Variants in WDR72 observed in about 807,000 individuals in gnomAD.
WDR72 encodes the protein WD repeat domain 72.
Under a neutral mutation model 124.2 loss-of-function variants are expected in WDR72, and 120 were observed. The ratio of observed to expected loss-of-function variants is 0.97; its 90% CI spans 0.83 to 1.12. The LOEUF (loss-of-function observed/expected upper bound fraction) is 1.12. Ranked by LOEUF, WDR72 falls within the 50% of genes most tolerant of loss-of-function variation. WDR72 has a pLI of 0.00. For synonymous variants in WDR72, 452 were observed against 441.7 expected (o/e 1.02, Z -0.29); for missense variants, 1,387 against 1,278.8 (o/e 1.08, Z -1.29).
chr15:53,676,444 G>T (rs969734806), intron 13 of WDR72, among the ~76,000 whole-genome samples: 1 of 152,186 alleles, frequency 6.6e-6, no homozygotes, highest in Non-Finnish European at 1.5e-5. Context: ...TCAAACAAGA[G>T]GAAGTCGAGA....
Position 53,738,639 on chromosome 15 carries a change from C to T in WDR72, c.-12-5478G>A, listed in dbSNP as rs572571270. On this transcript the variant is annotated intron_variant, in intron 1 of 19. Coordinates refer to ENST00000360509, the MANE Select transcript of WDR72 (RefSeq NM_182758.4). ...GAGATGGAGTCTCGTTCTTGTCGCC[C>T]ATGCTGAAGTGCAATGGCGTGATCT... Among the ~76,000 whole-genome samples the T allele has an allele frequency of 1.4e-4, 22 of 152,256 alleles. No individual in the cohort carries two copies. In the South Asian group the frequency reaches 2.1e-3, roughly 14 times the overall value.
intron 18 of WDR72, among the ~76,000 whole-genome samples, chr15:53,538,860 C>T (rs1376495404): frequency 2.0e-5 from 3 of 152,084 alleles, no homozygotes; most frequent in African/African-American, 7.2e-5. Context: ...GATTTCATGA[C>T]TGGTCTCAGT....
chr15:53,646,906 T>C (rs1018663785), intron 14 of WDR72, among the ~76,000 whole-genome samples: 1 of 152,108 alleles, frequency 6.6e-6, no homozygotes, highest in Admixed American at 6.6e-5. Flanking sequence ...AGGGTCTTTG[T>C]TGATAAATTA....
At chr15:53,570,773 C>G (rs950966488) in intron 18 of WDR72, among the ~76,000 whole-genome samples, 5 of 151,986 alleles carry the variant, frequency 3.3e-5, no homozygotes, top group Non-Finnish European at 7.4e-5. Flanking sequence ...CAAAAAGACA[C>G]CTGCACTCAT....
intron 18 of WDR72, among the ~76,000 whole-genome samples, chr15:53,582,968 T>C (rs986093603): frequency 5.3e-5 from 8 of 151,992 alleles, no homozygotes; most frequent in African/African-American, 9.7e-5. Flanking sequence ...TATTCTCCTA[T>C]GGAAAGGCCC....
chr15:53,657,423 C>T (rs898959987), intron 14 of WDR72, among the ~76,000 whole-genome samples: 2 of 151,908 alleles, frequency 1.3e-5, no homozygotes, highest in South Asian at 4.2e-4. Flanking sequence ...TAAATGAAGG[C>T]AAATGTAAAG....
intron 17 of WDR72, among the ~76,000 whole-genome samples, chr15:53,608,757 AAAAT>A (rs377242751): frequency 8.1e-6 from 1 of 123,638 alleles, no homozygotes; most frequent in African/African-American, 4.0e-5. Context: ...TCCTTTCTCA[AAAAT>A]AAATAAATAA....
Position 53,609,609 on chromosome 15 carries a change from C to T in WDR72, c.2873-17G>A, listed in dbSNP as rs777774379. ...CATTCTTACCTAGAAATATACAGAACACACTTGTATCTTTAGAGTATTAAA... is the reference window on the plus strand; with the variant it reads ...CATTCTTACCTAGAAATATACAGAATACACTTGTATCTTTAGAGTATTAAA... On this transcript the variant is annotated splice_polypyrimidine_tract_variant and intron_variant, in intron 16 of 19. Coordinates refer to ENST00000360509, the MANE Select transcript of WDR72 (RefSeq NM_182758.4). 3 of 1,598,114 alleles carry T rather than the reference C, an allele frequency of 1.9e-6. No homozygotes were observed. Among genetic ancestry groups the T allele is most frequent in the Admixed American group, 1.7e-5 (1 of 59,862 alleles).
At chr15:53,520,122 T>C (rs1485973674) in intron 19 of WDR72, among the ~76,000 whole-genome samples, 1 of 152,022 alleles carries the variant, frequency 6.6e-6, no homozygotes, top group Non-Finnish European at 1.5e-5. Flanking sequence ...GTATTCACAA[T>C]ATAAAACCAG....
chr15:53,719,500 C>A (rs1364849323), intron 3 of WDR72, among the ~76,000 whole-genome samples: 1 of 152,174 alleles, frequency 6.6e-6, no homozygotes, highest in Non-Finnish European at 1.5e-5. Flanking sequence ...GACATCTCCA[C>A]CTGTGTGACT....
At chr15:53,706,125 TG>T (rs1567039807) in intron 9 of WDR72, 51 bp from the exon 10 acceptor site, 1 of 1,588,718 alleles carries the variant, frequency 6.3e-7, no homozygotes, top group African/African-American at 1.3e-5. Context: ...TAGAGAGAGA[TG>T]GCCACTGTTT....
chr15:53,703,222 T>C (rs1350166970), intron 11 of WDR72, among the ~76,000 whole-genome samples: 1 of 152,158 alleles, frequency 6.6e-6, no homozygotes, highest in African/African-American at 2.4e-5. Flanking sequence ...CCCGTCATTC[T>C]TTAAATTAGA....
Position 53,699,884 on chromosome 15 carries a change from A to C in WDR72, c.1631T>G (p.Leu544Arg). The part of the protein sequence containing the change: ...CGDHSVALLH[L>R]EGKSCLLHAR... Reference sequence around the variant, plus strand: ...ATGCAGGAGGCAACTCTTTCCCTCAAGGTGAAGGAGAGCCACGGAATGGTC... The same window carrying C: ...ATGCAGGAGGCAACTCTTTCCCTCACGGTGAAGGAGAGCCACGGAATGGTC... The change falls in exon 13 of 20, where the codon CTT becomes CGT. Residue 544 changes from leucine to arginine, a missense_variant. Transcript: ENST00000360509. 1.2e-6 allele frequency: 2 copies of C among 1,614,190 alleles called. No individual in the cohort carries two copies. Among genetic ancestry groups the C allele is most frequent in the Non-Finnish European group, 1.7e-6 (2 of 1,180,028 alleles).
At chr15:53,600,935 G>A (rs190698078) in intron 17 of WDR72, among the ~76,000 whole-genome samples, 90 of 152,218 alleles carry the variant, frequency 5.9e-4, no homozygotes, top group African/African-American at 2.0e-3. Context: ...TAATGTGTGA[G>A]GAGCAAAACA....
At chr15:53,680,446 T>C (rs1157626688) in intron 13 of WDR72, among the ~76,000 whole-genome samples, 2 of 152,160 alleles carry the variant, frequency 1.3e-5, no homozygotes, top group African/African-American at 4.8e-5. Context: ...ATGGAGAGAA[T>C]TTCTATTTTT....
chr15:53,710,354 T>TACAC lies in WDR72; in HGVS notation c.954+499_954+502dup, dbSNP rs138077078. Among the ~76,000 whole-genome samples, 88 of 148,792 alleles carry TACAC rather than the reference T, an allele frequency of 5.9e-4. No individual in the cohort carries two copies. The East Asian group carries it at 8.0e-3, about 13-fold the overall frequency. On this transcript the variant is annotated intron_variant, in intron 9 of 19. Coordinates refer to ENST00000360509, the MANE Select transcript of WDR72 (RefSeq NM_182758.4). ...GTGTGTGTGTATGTGTTTGTACGTA[T>TACAC]ACACACACACACACACAAATGCAGA...
intron 18 of WDR72, among the ~76,000 whole-genome samples, chr15:53,555,928 T>G (rs1893915849): frequency 6.6e-6 from 1 of 152,116 alleles, no homozygotes; most frequent in Non-Finnish European, 1.5e-5. Flanking sequence ...GTTTAACAAA[T>G]AGCAAAATGA....
intron 13 of WDR72, among the ~76,000 whole-genome samples, chr15:53,687,057 A>C (rs1421474022): frequency 6.6e-6 from 1 of 150,950 alleles, no homozygotes; most frequent in Admixed American, 6.6e-5. Context: ...GACGCATTCA[A>C]AGCACTGTGT....
rs188305632 is a variant in WDR72, at chr15:53,653,249, G to A, written c.1962+12323C>T. On this transcript the variant is annotated intron_variant, in intron 14 of 19. Transcript: ENST00000360509. ...ACAAATATTTCTGAATGCCTTCCAC[G>A]TGCCAGATATGCCAGGTGATGAGAA... Among the ~76,000 whole-genome samples, 371 of 152,188 alleles carry A rather than the reference G, an allele frequency of 2.4e-3. 2 individuals carry two copies. The highest frequency in any genetic ancestry group is 8.4e-3 in the African/African-American group (349 of 41,504).
Sources: allele counts gnomAD v4.1 joint callset (sites outside exome capture counted in the v4.1 genomes callset), GRCh38; gene constraint gnomAD v4.1.1; transcripts MANE v1.5; gene names NCBI Gene and HGNC (gene_info 2026-07-23, HGNC 2026-07-21).